Variants in SNX24 observed in about 807,000 individuals in gnomAD.
The protein encoded by SNX24 is sorting nexin 24, also known as sorting nexin-24.
SNX24 carries 22 observed loss-of-function variants against 28.7 expected under a neutral mutation model. That is an observed-to-expected ratio of 0.77 (90% CI 0.55 to 1.10). The LOEUF is 1.10. Ranked by LOEUF, SNX24 falls within the 50% of genes least tolerant of loss-of-function variation. The probability of loss-of-function intolerance (pLI) is 0.00; values close to 1 mark genes in which losing one functional copy is unlikely to be tolerated. For missense variants in SNX24, 221 were observed against 201.1 expected (o/e 1.10, Z -0.60); for synonymous variants, 69 against 71.5 (o/e 0.96, Z 0.18).
chr5:122,968,332 G>A (rs1271760129), intron 3 of SNX24, among the ~76,000 whole-genome samples: 2 of 152,158 alleles, frequency 1.3e-5, no homozygotes, highest in Non-Finnish European at 1.5e-5. Flanking sequence ...GGGCAACAGA[G>A]CGAGACTCCA....
intron 1 of SNX24, among the ~76,000 whole-genome samples, chr5:122,857,792 T>C (rs988850270): frequency 3.9e-5 from 6 of 152,200 alleles, no homozygotes; most frequent in Non-Finnish European, 8.8e-5. Flanking sequence ...TACCACCTTT[T>C]CTTTTTTTGA....
chr5:122,959,651 T>A (rs149093877), intron 3 of SNX24, among the ~76,000 whole-genome samples: 9 of 152,230 alleles, frequency 5.9e-5, no homozygotes, highest in African/African-American at 1.9e-4. Context: ...AACTGAGATT[T>A]CTTAAGGCAT....
chr5:122,988,919 T>C (rs1458057598), intron 3 of SNX24, among the ~76,000 whole-genome samples: 2 of 152,244 alleles, frequency 1.3e-5, no homozygotes, highest in Non-Finnish European at 2.9e-5. Context: ...ATTTGTGTTA[T>C]GGACTTTTTT....
Position 122,845,619 on chromosome 5 carries a change from C to T in SNX24, c.-15C>T. On this transcript the variant is annotated 5_prime_UTR_variant, in exon 1 of 7. Transcript: ENST00000261369. ...CTGCCCCCAACTCGCCCTCAGCCGG[C>T]TGGCCGGCGCGGCCATGGAGGTCTA... is the stretch of plus-strand genomic sequence containing the variant. 2.9e-6 allele frequency: 4 copies of T among 1,385,504 alleles called. No homozygotes were observed. The highest frequency in any genetic ancestry group is 3.8e-6 in the Non-Finnish European group (4 of 1,060,826). 85.8% of individuals were successfully genotyped at this position (1,385,504 alleles called of 1,614,324 possible).
chr5:122,878,274 T>C (rs1756319918), intron 1 of SNX24, among the ~76,000 whole-genome samples: 1 of 152,090 alleles, frequency 6.6e-6, no homozygotes, highest in Non-Finnish European at 1.5e-5. Flanking sequence ...GCCTGTTGTG[T>C]GGTTCTGGAG....
chr5:122,946,094 C>T lies in SNX24; in HGVS notation c.184C>T (p.His62Tyr). 2 of 1,608,114 alleles carry T rather than the reference C, an allele frequency of 1.2e-6. No homozygotes were observed. Among genetic ancestry groups the T allele is most frequent in the Non-Finnish European group, 1.7e-6 (2 of 1,176,480 alleles). Reference sequence around the variant, plus strand: ...AAAAACTCCAGAAATCCCTTCTAAACATGTTAGGAACTGGGTCCCCAAAGT... The same window carrying T: ...AAAAACTCCAGAAATCCCTTCTAAATATGTTAGGAACTGGGTCCCCAAAGT... ...CIKTPEIPSK[H>Y]VRNWVPKVLE... The change falls in exon 3 of 7, where the codon CAT becomes TAT. Residue 62 changes from histidine to tyrosine, a missense_variant. By Grantham distance (83) the His-to-Tyr change is moderately conservative. Coordinates refer to ENST00000261369, the MANE Select transcript of SNX24 (RefSeq NM_014035.4).
At chr5:122,915,895 G>A (rs1296521935) in intron 1 of SNX24, among the ~76,000 whole-genome samples, 3 of 152,124 alleles carry the variant, frequency 2.0e-5, no homozygotes, top group Admixed American at 1.3e-4. Context: ...CATATCCACC[G>A]TCAACTCCCC....
chr5:122,911,406 C>A (rs1757882310), intron 1 of SNX24, among the ~76,000 whole-genome samples: 1 of 152,048 alleles, frequency 6.6e-6, no homozygotes, highest in South Asian at 2.1e-4. Flanking sequence ...AAATTTTCTT[C>A]CGTTTTGTAG....
chr5:122,851,392 C>T (rs1754912306), intron 1 of SNX24, among the ~76,000 whole-genome samples: 2 of 152,134 alleles, frequency 1.3e-5, no homozygotes, highest in Non-Finnish European at 2.9e-5. Context: ...TCTTTGAACT[C>T]CTGACCTCAA....
At position 122,944,625 on chromosome 5, in the gene SNX24, C is replaced by A. The variant is rs534360183; in HGVS notation, c.145-1430C>A. ...GGTGCTGGTGTGGCAGTTTCATGAT[C>A]ATCAGGGACCCAGGCTCTTGCTGCT... is the stretch of plus-strand genomic sequence containing the variant. On this transcript the variant is annotated intron_variant, in intron 2 of 6. Coordinates refer to ENST00000261369, the MANE Select transcript of SNX24 (RefSeq NM_014035.4). Among the ~76,000 whole-genome samples the A allele has an allele frequency of 2.0e-3, 308 of 152,260 alleles. 1 individual carries two copies. In the Middle Eastern group the frequency reaches 0.027, roughly 13 times the overall value.
chr5:122,979,246 C>T (rs769843470), intron 3 of SNX24, among the ~76,000 whole-genome samples: 30 of 152,292 alleles, frequency 2.0e-4, no homozygotes, highest in Middle Eastern at 3.4e-3. Context: ...GAGCATCAAG[C>T]GTGCAAGAAG....
intron 3 of SNX24, among the ~76,000 whole-genome samples, chr5:122,967,543 G>A (rs1460461282): frequency 6.6e-6 from 1 of 152,272 alleles, no homozygotes. Flanking sequence ...AAGCAGCCAG[G>A]AAACTTGCCA....
chr5:123,025,619 C>T (rs1762839543), intron 5 of SNX24, among the ~76,000 whole-genome samples: 1 of 152,116 alleles, frequency 6.6e-6, no homozygotes, highest in African/African-American at 2.4e-5. Context: ...GCCAATGACC[C>T]TAAGAATTAA....
intron 3 of SNX24, among the ~76,000 whole-genome samples, chr5:122,994,024 T>A (rs138201777): frequency 6.6e-6 from 1 of 152,120 alleles, no homozygotes; most frequent in African/African-American, 2.4e-5. Context: ...ACAACCCTGA[T>A]AGACAATGGA....
intron 3 of SNX24, among the ~76,000 whole-genome samples, chr5:122,964,056 C>T (rs186448573): frequency 0.012 from 1,783 of 151,904 alleles, 28 homozygotes; most frequent in African/African-American, 0.041. Flanking sequence ...GCCTGGCCAA[C>T]GTGGCGAAAC....
At chr5:122,908,784 A>G (rs544462085) in intron 1 of SNX24, among the ~76,000 whole-genome samples, 17 of 152,334 alleles carry the variant, frequency 1.1e-4, no homozygotes, top group Non-Finnish European at 1.6e-4. Flanking sequence ...GACTGTTTCT[A>G]TGTCCTGATA....
At chr5:123,027,270 G>A (rs1404369308) in intron 5 of SNX24, among the ~76,000 whole-genome samples, 1 of 152,134 alleles carries the variant, frequency 6.6e-6, no homozygotes, top group Admixed American at 6.5e-5. Flanking sequence ...ACTTGAAGTG[G>A]CCTTGTAGGA....
intron 1 of SNX24, among the ~76,000 whole-genome samples, chr5:122,882,580 T>C (rs1383434296): frequency 6.6e-6 from 1 of 152,254 alleles, no homozygotes; most frequent in African/African-American, 2.4e-5. Context: ...CTGTGAATGC[T>C]TGGGGCTCTC....
intron 5 of SNX24, chr5:123,023,940 A>T (rs1349343514): frequency 1.2e-6 from 2 of 1,613,932 alleles, no homozygotes. Flanking sequence ...TTGATGATCG[A>T]GCAGTTGGTG....
Sources: gnomAD v4.1 joint callset for allele counts (sites outside exome capture counted in the v4.1 genomes callset) on GRCh38, gnomAD v4.1.1 for gene constraint, MANE v1.5 for transcripts, NCBI Gene and HGNC (gene_info 2026-07-23, HGNC 2026-07-21) for gene names.